The following DCHS2 variants were observed in gnomAD, a reference collection of about 807,000 sequenced individuals.
The protein encoded by DCHS2 is dachsous cadherin-related 2, also known as protocadherin-23.
Under a neutral mutation model 182.4 loss-of-function variants are expected in DCHS2, and 142 were observed. The ratio of observed to expected loss-of-function variants is 0.78; its 90% CI spans 0.68 to 0.89. DCHS2 has a LOEUF of 0.89. Ranked by LOEUF, DCHS2 falls within the 40% of genes least tolerant of loss-of-function variation. DCHS2 has a pLI of 0.00. For missense variants in DCHS2, 4,319 were observed against 4,198.6 expected (o/e 1.03, Z -0.79); for synonymous variants, 1,740 against 1,663.3 (o/e 1.05, Z -1.12).
At position 154,297,901 on chromosome 4, in the gene DCHS2, G is replaced by A. The variant is rs1735007874; in HGVS notation, c.6413C>T (p.Ser2138Phe). 4 of 1,613,970 alleles carry A rather than the reference G, an allele frequency of 2.5e-6. No individual in the cohort carries two copies. Among genetic ancestry groups the A allele is most frequent in the Non-Finnish European group, 3.4e-6 (4 of 1,179,988 alleles). The change falls in exon 13 of 20, where the codon TCC becomes TTC. Residue 2138 changes from serine to phenylalanine, a missense_variant. Coordinates refer to ENST00000357232, the MANE Select transcript of DCHS2 (RefSeq NM_001358235.2). ...IHMEGEDVKI[S>F]FSHHLYKGLV... is the part of the protein sequence containing the mutation. ...CCCTTTATACAGGTGGTGGCTGAAGGAAATCTTTACATCTTCTCCTTCCAT... is the reference window on the plus strand; with the variant it reads ...CCCTTTATACAGGTGGTGGCTGAAGAAAATCTTTACATCTTCTCCTTCCAT...
chr4:154,387,160 AT>A (rs1306574460), intron 1 of DCHS2, among the ~76,000 whole-genome samples: 1 of 152,160 alleles, frequency 6.6e-6, no homozygotes. Flanking sequence ...GCATGTTTTT[AT>A]TGCCTTAATT....
intron 13 of DCHS2, among the ~76,000 whole-genome samples, chr4:154,270,518 A>C (rs2111205343): frequency 6.6e-6 from 1 of 152,028 alleles, no homozygotes; most frequent in Admixed American, 6.6e-5. Context: ...GAAGAAGAAG[A>C]AGGTGGAGAT....
intron 12 of DCHS2, among the ~76,000 whole-genome samples, chr4:154,302,735 G>A (rs914135278): frequency 7.3e-5 from 11 of 150,904 alleles, no homozygotes; most frequent in African/African-American, 1.2e-4. Flanking sequence ...TTGGGACCAT[G>A]AAGAGACATG....
chr4:154,280,312 C>A (rs950067919), intron 13 of DCHS2, among the ~76,000 whole-genome samples: 1 of 152,036 alleles, frequency 6.6e-6, no homozygotes, highest in Non-Finnish European at 1.5e-5. Flanking sequence ...AAATTAATGT[C>A]AATTCTTCTT....
intron 1 of DCHS2, among the ~76,000 whole-genome samples, chr4:154,451,927 G>A (rs1014301512): frequency 3.3e-5 from 5 of 152,178 alleles, no homozygotes; most frequent in South Asian, 2.1e-4. Context: ...TGTGTCCCAC[G>A]TGCATGCTCA....
intron 1 of DCHS2, among the ~76,000 whole-genome samples, chr4:154,471,919 C>A (rs960002912): frequency 6.6e-6 from 1 of 152,108 alleles, no homozygotes; most frequent in South Asian, 2.1e-4. Flanking sequence ...ACTGCTGGAG[C>A]TTTCAGACTG....
At chr4:154,340,009 T>C (rs572944437) in intron 3 of DCHS2, among the ~76,000 whole-genome samples, 16 of 152,310 alleles carry the variant, frequency 1.1e-4, no homozygotes, top group African/African-American at 3.8e-4. Flanking sequence ...AATTTTTTAA[T>C]AATTATATGT....
At chr4:154,293,826 G>A (rs1400005808) in intron 13 of DCHS2, among the ~76,000 whole-genome samples, 2 of 152,144 alleles carry the variant, frequency 1.3e-5, no homozygotes, top group Non-Finnish European at 2.9e-5. Context: ...CTCTGTGCAC[G>A]CTGCTCTCCA....
intron 16 of DCHS2, among the ~76,000 whole-genome samples, chr4:154,249,291 T>G (rs1732233343): frequency 2.0e-5 from 3 of 152,128 alleles, no homozygotes; most frequent in East Asian, 1.9e-4. Context: ...ACAGACACTT[T>G]TCAAAGAAAG....
At chr4:154,443,945 G>A (rs1734143942) in intron 1 of DCHS2, among the ~76,000 whole-genome samples, 1 of 152,176 alleles carries the variant, frequency 6.6e-6, no homozygotes, top group Non-Finnish European at 1.5e-5. Context: ...GCTTTCATTT[G>A]ACAGAATTGA....
chr4:154,304,899 G>T, intron 11 of DCHS2, 21 bp from the exon 12 acceptor site: 1 of 1,584,908 alleles, frequency 6.3e-7, no homozygotes. Flanking sequence ...ACACAAAGAC[G>T]GTATGAATTG....
chr4:154,280,075 A>T (rs186479898), intron 13 of DCHS2, among the ~76,000 whole-genome samples: 2 of 152,194 alleles, frequency 1.3e-5, no homozygotes, highest in Admixed American at 1.3e-4. Flanking sequence ...ATCCAAAGGG[A>T]TCATAAGAGA....
At chr4:154,430,657 G>A (rs1476058948) in intron 1 of DCHS2, among the ~76,000 whole-genome samples, 5 of 152,216 alleles carry the variant, frequency 3.3e-5, no homozygotes, top group African/African-American at 1.2e-4. Context: ...CATGAGTTGT[G>A]TGGTGTAGCA....
chr4:154,456,652 G>T (rs926786243), intron 1 of DCHS2, among the ~76,000 whole-genome samples: 12 of 152,076 alleles, frequency 7.9e-5, no homozygotes, highest in Non-Finnish European at 1.6e-4. Context: ...GAAAAGTCAT[G>T]GTGTACTGGA....
chr4:154,491,647 A>C lies in DCHS2; in HGVS notation c.-292T>G. On this transcript the variant is annotated 5_prime_UTR_variant, in exon 1 of 20. Coordinates refer to ENST00000357232, the MANE Select transcript of DCHS2 (RefSeq NM_001358235.2). ...CTCATCTCTTTTTCTCTCTCCTTTT[A>C]TTCCCTTTACATCTGTTCCTTGTTC... is the stretch of plus-strand genomic sequence containing the variant. 7.8e-7 allele frequency: 1 copy of C among 1,282,136 alleles called. No homozygotes were observed. The highest frequency in any genetic ancestry group is 9.8e-7 in the Non-Finnish European group (1 of 1,017,944). 79.4% of individuals were successfully genotyped at this position (1,282,136 alleles called of 1,614,324 possible). A position where few individuals can be genotyped will look rare whatever the true frequency, so the allele number is the denominator to read the frequency against.
intron 2 of DCHS2, among the ~76,000 whole-genome samples, chr4:154,370,861 TA>T (rs769641674): frequency 4.0e-4 from 61 of 152,300 alleles, no homozygotes; most frequent in Middle Eastern, 3.4e-3. Flanking sequence ...ATGGGAAAAC[TA>T]AAGGGAGTTT....
intron 1 of DCHS2, among the ~76,000 whole-genome samples, chr4:154,463,333 C>A (rs963903482): frequency 6.6e-6 from 1 of 151,460 alleles, no homozygotes; most frequent in Non-Finnish European, 1.5e-5. Context: ...GGCTTTTTTC[C>A]CCCAATATAA....
intron 10 of DCHS2, 40 bp downstream of exon 10, chr4:154,315,708 T>C (rs1315174935): frequency 6.3e-7 from 1 of 1,593,552 alleles, no homozygotes. Flanking sequence ...TTCAATTTCT[T>C]TTAAGCATTA....
rs182702967 is a variant in DCHS2 at position 154,271,544 on chromosome 4, C to T, written c.6464-1531G>A. ...GATGCTGAGTGCCTTTAAGGCAAAC[C>T]AGGTAGGGCAGCTGTCTGTATGGGA... On this transcript the variant is annotated intron_variant, in intron 13 of 19. Coordinates refer to ENST00000357232, the MANE Select transcript of DCHS2 (RefSeq NM_001358235.2). Among the ~76,000 whole-genome samples the T allele has an allele frequency of 1.5e-3, 224 of 152,208 alleles. 2 individuals carry two copies. Among genetic ancestry groups the T allele is most frequent in the Non-Finnish European group, 1.6e-3 (112 of 67,996 alleles).
Sources: gnomAD v4.1 joint callset for allele counts (sites outside exome capture counted in the v4.1 genomes callset) on GRCh38, gnomAD v4.1.1 for gene constraint, MANE v1.5 for transcripts, NCBI Gene and HGNC (gene_info 2026-07-23, HGNC 2026-07-21) for gene names.